TEKT3: variants seen among roughly 807,000 people sequenced by gnomAD.
The protein encoded by TEKT3 is tektin 3, also known as tektin-3.
A neutral mutation model predicts 49.8 loss-of-function variants in TEKT3; 49 were observed. The observed-to-expected ratio is 0.98, with a 90% CI of 0.78 to 1.25. TEKT3 has a LOEUF of 1.25. Among genes scored for constraint, TEKT3 ranks in the 50% most tolerant of loss-of-function variants. The probability of loss-of-function intolerance (pLI) is 0.00; values close to 1 mark genes in which losing one functional copy is unlikely to be tolerated. For synonymous variants in TEKT3, 225 were observed against 237.2 expected (o/e 0.95, Z 0.47); for missense variants, 595 against 629.5 (o/e 0.95, Z 0.59).
chr17:15,338,928 G>T (rs1432052294), intron 2 of TEKT3, among the ~76,000 whole-genome samples: 1 of 152,034 alleles, frequency 6.6e-6, no homozygotes, highest in Non-Finnish European at 1.5e-5. Context: ...ACTGAAAATA[G>T]CTATGGAAAA....
intron 6 of TEKT3, among the ~76,000 whole-genome samples, chr17:15,312,846 C>A (rs1405199717): frequency 2.0e-5 from 3 of 152,110 alleles, no homozygotes; most frequent in Non-Finnish European, 4.4e-5. Context: ...ATGAAAACAG[C>A]CTACTAAGGA....
rs1314911574 is a variant in TEKT3 at position 15,303,905 on chromosome 17, A to G, written c.*31T>C. 1.3e-6 allele frequency: 2 copies of G among 1,597,934 alleles called. No individual in the cohort carries two copies. The highest frequency in any genetic ancestry group is 2.2e-5 in the East Asian group (1 of 44,798). On this transcript the variant is annotated 3_prime_UTR_variant, in exon 9 of 9. Transcript: ENST00000395930. The stretch of plus-strand genomic sequence containing the variant: ...CAGTGCTCTGGCTCAGCCTTAACTT[A>G]GGGGTATCAAAACCACACCCGGTGG...
At chr17:15,323,947 G>A (rs974036130) in intron 4 of TEKT3, among the ~76,000 whole-genome samples, 4 of 152,170 alleles carry the variant, frequency 2.6e-5, no homozygotes, top group African/African-American at 9.7e-5. Context: ...ATAATTCATA[G>A]ACCATATAAT....
At position 15,314,273 on chromosome 17, in the gene TEKT3, C is replaced by A. The variant is rs751096512; in HGVS notation, c.735-43G>T. 1.9e-6 allele frequency: 3 copies of A among 1,611,024 alleles called. No individual in the cohort carries two copies. The East Asian group carries it at 6.7e-5, about 36-fold the overall frequency. On this transcript the variant is annotated intron_variant, in intron 5 of 8. Transcript: ENST00000395930. ...GAAGTGGAGCTTCACACTCAGGTGA[C>A]AATGTCCTGCAAGGACACATGAGTG...
At chr17:15,317,729 G>A (rs569139267) in intron 5 of TEKT3, among the ~76,000 whole-genome samples, 2 of 152,114 alleles carry the variant, frequency 1.3e-5, no homozygotes, top group Non-Finnish European at 2.9e-5. Context: ...CAACAGTCTC[G>A]GCCAATACTT....
At chr17:15,306,178 T>C (rs565152484) in intron 8 of TEKT3, among the ~76,000 whole-genome samples, 2 of 152,080 alleles carry the variant, frequency 1.3e-5, no homozygotes, top group East Asian at 3.9e-4. Flanking sequence ...GCCTGGTCTG[T>C]CTGGCCTGCC....
In TEKT3 at chr17:15,321,261, G is replaced by C. The variant is rs533136940; in HGVS notation, c.664-2114C>G. Among the ~76,000 whole-genome samples the C allele has an allele frequency of 6.6e-5, 10 of 152,000 alleles. No individual in the cohort carries two copies. The South Asian group carries it at 2.1e-3, about 32-fold the overall frequency. ...CCTGACCTTGTGATCCACCCGCCTCGGCTTCCCAAAGTGCTGAGATTACAG... is the reference window on the plus strand; with the variant it reads ...CCTGACCTTGTGATCCACCCGCCTCCGCTTCCCAAAGTGCTGAGATTACAG... On this transcript the variant is annotated intron_variant, in intron 4 of 8. Transcript: ENST00000395930.
chr17:15,324,233 T>TA (rs1911391055), intron 4 of TEKT3, among the ~76,000 whole-genome samples: 1 of 152,240 alleles, frequency 6.6e-6, no homozygotes, highest in African/African-American at 2.4e-5. Context: ...TGTAGCATAA[T>TA]GTTTTCAATA....
At chr17:15,336,110 A>T (rs1245475212) in intron 2 of TEKT3, among the ~76,000 whole-genome samples, 1 of 151,812 alleles carries the variant, frequency 6.6e-6, no homozygotes, top group African/African-American at 2.4e-5. Flanking sequence ...GAATACACAC[A>T]CACACACACA....
chr17:15,327,882 T>C (rs1263951919), intron 4 of TEKT3, 110 bp downstream of exon 4: 2 of 893,414 alleles, frequency 2.2e-6, no homozygotes, highest in Non-Finnish European at 3.7e-6. Context: ...TCTGATACGA[T>C]AATGCTTTAC....
At chr17:15,312,652 C>A (rs1910822561) in intron 6 of TEKT3, among the ~76,000 whole-genome samples, 171 bp from the exon 7 acceptor site, 1 of 152,130 alleles carries the variant, frequency 6.6e-6, no homozygotes, top group Non-Finnish European at 1.5e-5. Flanking sequence ...CTTAATTATT[C>A]CTTATTTTAC....
chr17:15,334,116 C>T (rs757691027), intron 2 of TEKT3, among the ~76,000 whole-genome samples: 5 of 152,046 alleles, frequency 3.3e-5, no homozygotes, highest in Non-Finnish European at 7.4e-5. Context: ...GGCTGGAATG[C>T]AGTGGCATGA....
upstream of TEKT3, among the ~76,000 whole-genome samples, chr17:15,343,405 G>A (rs1403258383): frequency 1.3e-5 from 2 of 152,324 alleles, no homozygotes; most frequent in East Asian, 1.9e-4. Context: ...GTCTTTGCCA[G>A]AATTGAGGTT....
chr17:15,324,628 T>G (rs1597413436), intron 4 of TEKT3, among the ~76,000 whole-genome samples: 1 of 152,350 alleles, frequency 6.6e-6, no homozygotes, highest in East Asian at 1.9e-4. Context: ...ACTATCCTCA[T>G]GGGTATGAAG....
At chr17:15,321,926 G>A (rs1451930843) in intron 4 of TEKT3, among the ~76,000 whole-genome samples, 1 of 152,210 alleles carries the variant, frequency 6.6e-6, no homozygotes, top group African/African-American at 2.4e-5. Context: ...TGGGGCTTGG[G>A]GAGGTGGAAT....
intron 2 of TEKT3, among the ~76,000 whole-genome samples, chr17:15,335,633 C>T (rs1911948360): frequency 6.6e-6 from 1 of 152,142 alleles, no homozygotes; most frequent in Non-Finnish European, 1.5e-5. Flanking sequence ...ATCACAATGT[C>T]CAGCATCCAG....
At chr17:15,319,651 G>A (rs1043439645) in intron 4 of TEKT3, among the ~76,000 whole-genome samples, 1 of 152,216 alleles carries the variant, frequency 6.6e-6, no homozygotes, top group Non-Finnish European at 1.5e-5. Context: ...CTGGGAGGTC[G>A]CCCTCCGGTC....
chr17:15,305,214 C>T (rs1177364797), intron 8 of TEKT3, among the ~76,000 whole-genome samples: 3 of 152,190 alleles, frequency 2.0e-5, no homozygotes, highest in African/African-American at 7.2e-5. Flanking sequence ...GGAGCATTCG[C>T]TTCCAAGCCA....
At chr17:15,318,763 C>T (rs1277860059) in intron 5 of TEKT3, among the ~76,000 whole-genome samples, 3 of 152,162 alleles carry the variant, frequency 2.0e-5, no homozygotes, top group African/African-American at 7.2e-5. Context: ...TGGCCTTGAA[C>T]TCCTGGGCTC....
Sources: gnomAD v4.1 joint callset for allele counts (sites outside exome capture counted in the v4.1 genomes callset) on GRCh38, gnomAD v4.1.1 for gene constraint, MANE v1.5 for transcripts, NCBI Gene and HGNC (gene_info 2026-07-23, HGNC 2026-07-21) for gene names.